The following TEX35 variants were observed in gnomAD, a reference collection of about 807,000 sequenced individuals.
The protein encoded by TEX35 is testis expressed 35.
A neutral mutation model predicts 31.9 loss-of-function variants in TEX35; 26 were observed. That is an observed-to-expected ratio of 0.81 (90% CI 0.60 to 1.13). TEX35 has a LOEUF of 1.13. TEX35 is among the 50% of genes most tolerant of loss of function. TEX35 has a pLI of 0.00. For missense variants in TEX35, 278 were observed against 273.5 expected (o/e 1.02, Z -0.12); for synonymous variants, 87 against 90.7 (o/e 0.96, Z 0.23).
intron 8 of TEX35, 96 bp downstream of exon 8, chr1:178,521,360 C>A: frequency 7.1e-7 from 1 of 1,411,122 alleles, no homozygotes; most frequent in Non-Finnish European, 1.0e-6. Flanking sequence ...CACACCCCTC[C>A]TGAGGTTGTG....
chr1:178,519,868 C>T (rs533404254), intron 5 of TEX35, among the ~76,000 whole-genome samples: 1 of 152,082 alleles, frequency 6.6e-6, no homozygotes, highest in African/African-American at 2.4e-5. Context: ...CTGTTCTGAG[C>T]GAATAATACG....
intron 2 of TEX35, 144 bp from the exon 3 acceptor site, chr1:178,514,556 C>T (rs571274401): frequency 4.0e-6 from 3 of 754,556 alleles, no homozygotes; most frequent in South Asian, 1.8e-5. Context: ...GATAGAGGAA[C>T]CTTCTGCACA....
chr1:178,517,704 G>C (rs1160215137), intron 5 of TEX35, among the ~76,000 whole-genome samples: 2 of 152,180 alleles, frequency 1.3e-5, no homozygotes, highest in Admixed American at 1.3e-4. Context: ...TTTGATGTCA[G>C]TCAGAAGGAA....
Position 178,515,836 on chromosome 1 carries a change from TCTTCTCCATTTTATTTC to T in TEX35, c.160-20_160-4del, listed in dbSNP as rs1650054497. 6.3e-7 allele frequency: 1 copy of T among 1,597,736 alleles called. No homozygotes were observed. The highest frequency in any genetic ancestry group is 1.3e-5 in the African/African-American group (1 of 74,690). Reference sequence around the variant, plus strand: ...ATCCTAGATATTTCTTTCCTCCTTCTCTTCTCCATTTTATTTCCTCAGAATGAACTCAGGGAAGTGAG... The same window carrying T: ...ATCCTAGATATTTCTTTCCTCCTTCTCTCAGAATGAACTCAGGGAAGTGAG... On this transcript the variant is annotated splice_polypyrimidine_tract_variant and splice_region_variant and intron_variant, in intron 3 of 8. Coordinates refer to ENST00000319416, the MANE Select transcript of TEX35 (RefSeq NM_032126.5).
Position 178,515,938 on chromosome 1 carries a change from A to G in TEX35, c.216+23A>G, listed in dbSNP as rs756468966. ...CAGGTAAGAAGATGAGGCCTTCCATATCATGGAGGGAAAGTGTAGCTTCAG... is the reference window on the plus strand; with the variant it reads ...CAGGTAAGAAGATGAGGCCTTCCATGTCATGGAGGGAAAGTGTAGCTTCAG... On this transcript the variant is annotated intron_variant, in intron 4 of 8. Transcript: ENST00000319416. 1.9e-6 allele frequency: 3 copies of G among 1,577,538 alleles called. No individual in the cohort carries two copies. The South Asian group carries it at 3.3e-5, about 18-fold the overall frequency.
rs200941431 is a variant in TEX35, at chr1:178,520,455, C to T, written c.341+19C>T. ...ATAAGCTGTAAGTGTAACCTGCACT[C>T]GTCTCTCCTCATCCCTAAAGGGTCT... On this transcript the variant is annotated intron_variant, in intron 6 of 8. Transcript: ENST00000319416. 2.0e-5 allele frequency: 33 copies of T among 1,614,120 alleles called. No individual in the cohort carries two copies. Among genetic ancestry groups the T allele is most frequent in the Non-Finnish European group, 2.3e-5 (27 of 1,179,988 alleles).
At chr1:178,515,993 G>A in intron 4 of TEX35, 78 bp downstream of exon 4, 2 of 1,149,774 alleles carry the variant, frequency 1.7e-6, no homozygotes, top group Non-Finnish European at 2.6e-6. Context: ...TTTGAATAGT[G>A]AAGGAAAGCA....
At chr1:178,514,908 AAC>A (rs1650019153) in intron 3 of TEX35, 140 bp downstream of exon 3, 2 of 708,114 alleles carry the variant, frequency 2.8e-6, no homozygotes, top group Non-Finnish European at 2.4e-6. Context: ...TCCAGAAGTT[AAC>A]ACACAGACAA....
chr1:178,515,854 C>T lies in TEX35; in HGVS notation c.160-5C>T, dbSNP rs750464780. Reference sequence around the variant, plus strand: ...CTCCTTCTCTTCTCCATTTTATTTCCTCAGAATGAACTCAGGGAAGTGAGA... The same window carrying T: ...CTCCTTCTCTTCTCCATTTTATTTCTTCAGAATGAACTCAGGGAAGTGAGA... On this transcript the variant is annotated splice_polypyrimidine_tract_variant and splice_region_variant and intron_variant, in intron 3 of 8. Coordinates refer to ENST00000319416, the MANE Select transcript of TEX35 (RefSeq NM_032126.5). The T allele has an allele frequency of 5.6e-6, 9 of 1,609,470 alleles. No individual in the cohort carries two copies. The South Asian group carries it at 8.9e-5, about 16-fold the overall frequency.
At chr1:178,515,104 A>C (rs1030482367) in intron 3 of TEX35, among the ~76,000 whole-genome samples, 1 of 152,024 alleles carries the variant, frequency 6.6e-6, no homozygotes, top group Non-Finnish European at 1.5e-5. Flanking sequence ...ACTGACATTT[A>C]TTTATTTTTA....
chr1:178,513,815 G>T (rs571603827), intron 1 of TEX35, among the ~76,000 whole-genome samples: 2 of 152,240 alleles, frequency 1.3e-5, no homozygotes, highest in African/African-American at 4.8e-5. Flanking sequence ...GCAGACACAC[G>T]CCCATAGGAA....
intron 5 of TEX35, among the ~76,000 whole-genome samples, chr1:178,517,690 A>AT (rs1455500956): frequency 2.0e-5 from 3 of 152,230 alleles, no homozygotes; most frequent in African/African-American, 4.8e-5. Flanking sequence ...GATAAAGGTG[A>AT]TTTTTTGATG....
At chr1:178,520,521 C>T in intron 6 of TEX35, 85 bp downstream of exon 6, 1 of 1,611,396 alleles carries the variant, frequency 6.2e-7, no homozygotes, top group Non-Finnish European at 8.5e-7. Flanking sequence ...GTTCAGAGGA[C>T]ACCCAGACTC....
chr1:178,523,197 TTGA>T, downstream of TEX35: 2 of 661,144 alleles, frequency 3.0e-6, no homozygotes, highest in Non-Finnish European at 5.5e-6. Flanking sequence ...CATTCATCTG[TTGA>T]TGACACTTAG....
chr1:178,514,330 G>A (rs575361796), intron 2 of TEX35: 53 of 1,291,896 alleles, frequency 4.1e-5, no homozygotes, highest in Middle Eastern at 4.4e-4. Context: ...AGTGGCTGCC[G>A]TGGAGTGGGT....
intron 6 of TEX35, 85 bp from the exon 7 acceptor site, chr1:178,520,588 T>C (rs1420862871): frequency 6.3e-7 from 1 of 1,591,294 alleles, no homozygotes; most frequent in Non-Finnish European, 8.6e-7. Context: ...AGGCCTTCCA[T>C]GGCCACCCGT....
chr1:178,517,041 GT>G (rs1267217628), intron 5 of TEX35, among the ~76,000 whole-genome samples: 1 of 152,184 alleles, frequency 6.6e-6, no homozygotes, highest in Non-Finnish European at 1.5e-5. Flanking sequence ...AACATGTGGT[GT>G]GTTTCAGAAT....
chr1:178,521,098 A>T (rs927619444), intron 7 of TEX35, 124 bp from the exon 8 acceptor site: 40 of 1,588,084 alleles, frequency 2.5e-5, no homozygotes, highest in Non-Finnish European at 3.3e-5. Flanking sequence ...GGATGGGCCT[A>T]CCCGCCAGCT....
downstream of TEX35, chr1:178,523,361 G>T: frequency 4.4e-6 from 3 of 677,742 alleles, no homozygotes; most frequent in South Asian, 3.2e-5. Context: ...GTTTTTTGAG[G>T]AACAACCTCC....
Sources: allele counts gnomAD v4.1 joint callset (sites outside exome capture counted in the v4.1 genomes callset), GRCh38; gene constraint gnomAD v4.1.1; transcripts MANE v1.5; gene names NCBI Gene and HGNC (gene_info 2026-07-23, HGNC 2026-07-21).